CHODL: variants seen among roughly 807,000 people sequenced by gnomAD.
CHODL encodes the protein chondrolectin.
CHODL carries 29 observed loss-of-function variants against 34.5 expected under a neutral mutation model. That is an observed-to-expected ratio of 0.84 (90% confidence interval 0.63 to 1.15). CHODL has a LOEUF of 1.15. Among genes scored for constraint, CHODL ranks in the 50% most tolerant of loss-of-function variants. The probability of loss-of-function intolerance (pLI) is 0.00; values close to 1 mark genes in which losing one functional copy is unlikely to be tolerated. For missense variants in CHODL, 332 were observed against 332.5 expected, an observed-to-expected ratio of 1.00 and a Z score of 0.01; for synonymous variants, 125 against 116.1, an observed-to-expected ratio of 1.08 and a Z score of -0.49.
intron 1 of CHODL, among the ~76,000 whole-genome samples, chr21:17,973,626 T>C (rs191999071): frequency 1.6e-3 from 248 of 151,844 alleles, no homozygotes; most frequent in Middle Eastern, 0.014. Context: ...TTCACCGTGT[T>C]AGCCGGGATG....
chr21:18,235,619 A>C (rs935249879), intron 2 of CHODL, among the ~76,000 whole-genome samples: 1 of 152,114 alleles, frequency 6.6e-6, no homozygotes, highest in African/African-American at 2.4e-5. Flanking sequence ...ATGATCAAAT[A>C]ATTTCTTATA....
rs190804510 is a variant in CHODL at position 18,233,478 on chromosome 21, A to G, written c.-44-23031A>G. Among the ~76,000 whole-genome samples the G allele has an allele frequency of 2.0e-5, 3 of 152,090 alleles. No individual in the cohort carries two copies. The South Asian group carries it at 6.2e-4, about 31-fold the overall frequency. ...TCATGAGGATGAAACAAGTTAATAT[A>G]TTAAATGTTTCAAAACAGTGCCAGA... On this transcript the variant is annotated intron_variant, in intron 2 of 6. Coordinates refer to the CHODL transcript ENST00000400127.
intron 2 of CHODL, among the ~76,000 whole-genome samples, chr21:18,057,489 G>A (rs1330840964): frequency 6.6e-6 from 1 of 151,726 alleles, no homozygotes; most frequent in African/African-American, 2.4e-5. Context: ...TACAATCAAT[G>A]AACCTGACAC....
chr21:17,926,355 G>GGTACAA (rs2063222069), intron 1 of CHODL, among the ~76,000 whole-genome samples: 1 of 148,626 alleles, frequency 6.7e-6, no homozygotes, highest in Admixed American at 6.8e-5. Flanking sequence ...AGCTACTGAG[G>GGTACAA]GTAACAAATA....
Position 18,028,227 on chromosome 21 carries a change from CCCCTCCCCTT to C in CHODL, c.-45+260_-45+269del, listed in dbSNP as rs1429219081. On this transcript the variant is annotated intron_variant, in intron 2 of 6. Coordinates refer to the CHODL transcript ENST00000400127. The stretch of plus-strand genomic sequence containing the variant: ...AGCTCTTCCTCCCCTCCCCTCCCCT[CCCCTCCCCTT>C]CCCCTTCCCCTTTTCCTTTTCTTTT... Among the ~76,000 whole-genome samples, 5 of 92,370 alleles carry C rather than the reference CCCCTCCCCTT, an allele frequency of 5.4e-5. 1 individual carries two copies. Among genetic ancestry groups the C allele is most frequent in the African/African-American group, 1.3e-4 (3 of 23,824 alleles). The allele number at this position is 92,370 out of a possible 152,430, so 60.6% of individuals were successfully genotyped here.
At chr21:18,100,574 G>A (rs1404689018) in intron 2 of CHODL, among the ~76,000 whole-genome samples, 1 of 152,066 alleles carries the variant, frequency 6.6e-6, no homozygotes, top group African/African-American at 2.4e-5. Context: ...AGAGACTCAA[G>A]GACACCTGAA....
In CHODL at chr21:17,982,897, G is replaced by A. The variant is rs992439468; in HGVS notation, c.-144-44975G>A. On this transcript the variant is annotated intron_variant, in intron 1 of 6. Transcript: ENST00000400127. ...CTCCAACCCCCCCCAGCTAATTTTT[G>A]TATTTTTAGTAGAGATGGGGTTTCA... Among the ~76,000 whole-genome samples the A allele has an allele frequency of 1.7e-4, 25 of 151,432 alleles. 1 individual carries two copies. The East Asian group carries it at 3.5e-3, about 21-fold the overall frequency.
At chr21:18,139,282 G>T (rs2072773737) in intron 2 of CHODL, among the ~76,000 whole-genome samples, 1 of 151,944 alleles carries the variant, frequency 6.6e-6, no homozygotes, top group Non-Finnish European at 1.5e-5. Context: ...AAGAGGTTCA[G>T]CAATGAAGGA....
intron 1 of CHODL, among the ~76,000 whole-genome samples, chr21:18,019,318 A>T (rs1240202102): frequency 6.6e-6 from 1 of 152,178 alleles, no homozygotes; most frequent in East Asian, 1.9e-4. Flanking sequence ...AAAAATTTTA[A>T]ATCTGTCTTT....
chr21:18,215,528 C>A (rs1394214244), intron 2 of CHODL, among the ~76,000 whole-genome samples: 2 of 152,204 alleles, frequency 1.3e-5, no homozygotes, highest in African/African-American at 4.8e-5. Flanking sequence ...GTATGTTGGG[C>A]TACTGTATTG....
intron 1 of CHODL, among the ~76,000 whole-genome samples, chr21:18,011,179 T>C (rs1389589777): frequency 6.6e-6 from 1 of 152,240 alleles, no homozygotes; most frequent in Admixed American, 6.5e-5. Flanking sequence ...TATATGTCTT[T>C]GTCCAAATAT....
intron 1 of CHODL, among the ~76,000 whole-genome samples, chr21:17,948,307 G>T (rs1407266996): frequency 8.1e-6 from 1 of 122,856 alleles, no homozygotes; most frequent in Admixed American, 8.9e-5. Context: ...AAGATAAAAA[G>T]AAGAAAAAAG....
At chr21:18,129,581 G>A (rs1228433534) in intron 2 of CHODL, among the ~76,000 whole-genome samples, 1 of 152,140 alleles carries the variant, frequency 6.6e-6, no homozygotes, top group African/African-American at 2.4e-5. Flanking sequence ...TTGTAGTAGG[G>A]CTTTGAGAAT....
chr21:18,175,485 C>T (rs4473479), intron 2 of CHODL, among the ~76,000 whole-genome samples: 1 of 151,696 alleles, frequency 6.6e-6, no homozygotes, highest in Non-Finnish European at 1.5e-5. Flanking sequence ...CCCAGCTACT[C>T]GGGAGGCTGA....
At position 18,256,510 on chromosome 21, in the gene CHODL, C is replaced by T; in HGVS notation, c.81C>T (p.Gly27=). Residue 27 remains glycine (G), a splice_region_variant and synonymous_variant, in exon 2 of 6, where the codon GGC becomes GGT. Transcript: ENST00000299295. ...HGAFCRRVVS[G]QKVCFADFKH... is the part of the protein sequence containing the mutation. Reference sequence around the variant, plus strand: ...TGGGCATCTTTTTTTTTTTTTCAGGCCAAAAGGTGTGTTTTGCTGACTTCA... The same window carrying T: ...TGGGCATCTTTTTTTTTTTTTCAGGTCAAAAGGTGTGTTTTGCTGACTTCA... 6.3e-7 allele frequency: 1 copy of T among 1,586,762 alleles called. No individual in the cohort carries two copies. Among genetic ancestry groups the T allele is most frequent in the Admixed American group, 1.8e-5 (1 of 55,184 alleles).
At chr21:17,987,111 A>T (rs925411111) in intron 1 of CHODL, among the ~76,000 whole-genome samples, 1 of 152,168 alleles carries the variant, frequency 6.6e-6, no homozygotes, top group Non-Finnish European at 1.5e-5. Flanking sequence ...AAATTGCACA[A>T]GGAATAGAGA....
At chr21:18,197,893 G>A (rs891468754) in intron 2 of CHODL, among the ~76,000 whole-genome samples, 3 of 152,174 alleles carry the variant, frequency 2.0e-5, no homozygotes, top group African/African-American at 7.2e-5. Context: ...TTACTCACAT[G>A]AGCATATAAT....
intron 2 of CHODL, among the ~76,000 whole-genome samples, chr21:18,097,011 G>A (rs2065148146): frequency 6.6e-6 from 1 of 152,092 alleles, no homozygotes; most frequent in African/African-American, 2.4e-5. Context: ...TGAAATATTG[G>A]GGGCTGGTTC....
chr21:18,068,638 C>A (rs990671295), intron 2 of CHODL, among the ~76,000 whole-genome samples: 2 of 152,152 alleles, frequency 1.3e-5, no homozygotes, highest in African/African-American at 4.8e-5. Context: ...GTTGAATCGA[C>A]CTTTTGAAGT....
Sources: allele counts gnomAD v4.1 joint callset (sites outside exome capture counted in the v4.1 genomes callset), GRCh38; gene constraint gnomAD v4.1.1; transcripts MANE v1.5; gene names NCBI Gene and HGNC (gene_info 2026-07-23, HGNC 2026-07-21).